The following HACE1 variants were observed in gnomAD, a reference collection of about 807,000 sequenced individuals.
The protein encoded by HACE1 is HECT domain and ankyrin repeat containing E3 ubiquitin protein ligase 1.
HACE1 carries 73 observed loss-of-function variants against 118.4 expected under a neutral mutation model. The observed-to-expected ratio is 0.62, with a 90% confidence interval of 0.51 to 0.75. The LOEUF (loss-of-function observed/expected upper bound fraction) is 0.75. Ranked by LOEUF, HACE1 falls within the 30% of genes least tolerant of loss-of-function variation. The pLI is 0.00. For missense variants in HACE1, 749 were observed against 1,102.2 expected (o/e 0.68, Z 4.54); for synonymous variants, 368 against 374.8 (o/e 0.98, Z 0.21).
intron 7 of HACE1, among the ~76,000 whole-genome samples, chr6:104,801,957 A>C (rs1562403036): frequency 6.6e-6 from 1 of 150,830 alleles, no homozygotes; most frequent in Non-Finnish European, 1.5e-5. Flanking sequence ...TATTCAGGAG[A>C]CCCATCTCAC....
chr6:104,808,270 C>T (rs1771239128), intron 7 of HACE1, among the ~76,000 whole-genome samples: 1 of 151,672 alleles, frequency 6.6e-6, no homozygotes. Flanking sequence ...ATGAGGACAA[C>T]ACGACTTTAT....
intron 7 of HACE1, among the ~76,000 whole-genome samples, chr6:104,807,169 G>A (rs1034505797): frequency 5.9e-5 from 9 of 151,904 alleles, no homozygotes; most frequent in South Asian, 2.1e-4. Flanking sequence ...GACTACAGGC[G>A]TGCGCCACAA....
Position 104,859,711 on chromosome 6 carries a change from A to C in HACE1, c.-69T>G. The stretch of plus-strand genomic sequence containing the variant: ...CGGCGGCCTCCGCGCCCAGAGCCCT[A>C]CATCTCGCCTGGGCCCGTCCAGCAG... On this transcript the variant is annotated 5_prime_UTR_variant, in exon 1 of 24. It removes the in-frame stop codon of an upstream open reading frame in the 5' UTR. Transcript: ENST00000262903. 7.4e-7 allele frequency: 1 copy of C among 1,354,768 alleles called. No individual in the cohort carries two copies. The highest frequency in any genetic ancestry group is 2.6e-5 in the East Asian group (1 of 38,120). 83.9% of individuals were successfully genotyped at this position (1,354,768 alleles called of 1,614,324 possible).
intron 19 of HACE1, among the ~76,000 whole-genome samples, chr6:104,754,779 GAAGA>G (rs1386185719): frequency 2.0e-5 from 3 of 152,082 alleles, no homozygotes; most frequent in Non-Finnish European, 4.4e-5. Context: ...CAGAGCTCCT[GAAGA>G]AAGAACTAAA....
intron 19 of HACE1, among the ~76,000 whole-genome samples, chr6:104,763,004 A>G (rs1779574513): frequency 6.6e-6 from 1 of 151,512 alleles, no homozygotes; most frequent in South Asian, 2.1e-4. Context: ...AAAAAAAAAA[A>G]AAAAAAAGAA....
At chr6:104,753,278 G>A (rs2114585312) in intron 19 of HACE1, among the ~76,000 whole-genome samples, 1 of 152,284 alleles carries the variant, frequency 6.6e-6, no homozygotes, top group African/African-American at 2.4e-5. Context: ...TGACTGCCAT[G>A]TCTGGGGTTC....
chr6:104,852,228 T>TGTGTGC (rs142463116), intron 2 of HACE1, 89 bp downstream of exon 2: 24,060 of 647,104 alleles, frequency 0.037, 273 homozygotes, highest in Middle Eastern at 0.043. Context: ...TGTGTGTGTG[T>TGTGTGC]GCGCGCGTGC....
At position 104,857,593 on chromosome 6, in the gene HACE1, T is replaced by A. The variant is rs545950902; in HGVS notation, c.76+1974A>T. ...AATCAGTTTAAAAACAGTATTTAGA[T>A]TCAACATTTGTTACATGCATCCTAT... On this transcript the variant is annotated intron_variant, in intron 1 of 23. Transcript: ENST00000262903. Among the ~76,000 whole-genome samples, 3 of 152,052 alleles carry A rather than the reference T, an allele frequency of 2.0e-5. No individual in the cohort carries two copies. The South Asian group carries it at 6.2e-4, about 32-fold the overall frequency.
At chr6:104,737,532 G>A (rs1776030193) in intron 22 of HACE1, among the ~76,000 whole-genome samples, 1 of 152,128 alleles carries the variant, frequency 6.6e-6, no homozygotes, top group Admixed American at 6.5e-5. Flanking sequence ...CAAGGGGTCA[G>A]GGAGTTCCCT....
intron 23 of HACE1, 51 bp from the exon 24 acceptor site, chr6:104,729,815 GA>G: frequency 1.2e-6 from 1 of 849,168 alleles, no homozygotes; most frequent in Non-Finnish European, 2.0e-6. Flanking sequence ...TAAAATTTCT[GA>G]TTGTTTTGCC....
chr6:104,808,344 G>A (rs1351640725), intron 7 of HACE1, among the ~76,000 whole-genome samples: 1 of 152,162 alleles, frequency 6.6e-6, no homozygotes, highest in African/African-American at 2.4e-5. Flanking sequence ...ACTAAGTGTT[G>A]AATACTCTGC....
chr6:104,859,310 G>A, intron 1 of HACE1: 1 of 464,594 alleles, frequency 2.2e-6, no homozygotes, highest in Non-Finnish European at 3.8e-6. Flanking sequence ...CAGACGTTGC[G>A]AGACCTTTGT....
intron 23 of HACE1, 150 bp downstream of exon 23, chr6:104,730,153 A>C: frequency 1.5e-6 from 1 of 655,288 alleles, no homozygotes; most frequent in Middle Eastern, 3.8e-4. Context: ...GGGCACAAAA[A>C]ACTACATAAT....
chr6:104,761,274 C>A lies in HACE1; in HGVS notation c.2211+9919G>T, dbSNP rs570009591. ...TGGGCAAGAAGAACAAAGCTGGAGG[C>A]ATCATGCTACCAGACTTCAAACTAT... On this transcript the variant is annotated intron_variant, in intron 19 of 23. Coordinates refer to ENST00000262903, the MANE Select transcript of HACE1 (RefSeq NM_020771.4). Among the ~76,000 whole-genome samples the A allele has an allele frequency of 2.0e-5, 3 of 152,250 alleles. No homozygotes were observed. In the East Asian group the frequency reaches 5.8e-4, roughly 29 times the overall value.
chr6:104,737,797 G>A (rs922971117), intron 22 of HACE1, among the ~76,000 whole-genome samples: 32 of 152,306 alleles, frequency 2.1e-4, no homozygotes, highest in Non-Finnish European at 3.5e-4. Context: ...ACAAAGCAGC[G>A]GGGAAGCCCG....
chr6:104,802,813 CA>C (rs1367013884), intron 7 of HACE1, among the ~76,000 whole-genome samples: 1 of 152,118 alleles, frequency 6.6e-6, no homozygotes, highest in East Asian at 1.9e-4. Flanking sequence ...ACTAGAGAAG[CA>C]AGAGCAAACA....
chr6:104,844,138 A>G (rs542293887), intron 4 of HACE1, among the ~76,000 whole-genome samples: 1 of 150,486 alleles, frequency 6.6e-6, no homozygotes, highest in African/African-American at 2.4e-5. Flanking sequence ...CCCAGGTTCA[A>G]GTGATTCTCT....
At position 104,729,530 on chromosome 6, in the gene HACE1, A is replaced by G; in HGVS notation, c.*132T>C. 2 of 695,762 alleles carry G rather than the reference A, an allele frequency of 2.9e-6. No homozygotes were observed. The highest frequency in any genetic ancestry group is 5.3e-6 in the Non-Finnish European group (2 of 378,790). 43.1% of individuals were successfully genotyped at this position (695,762 alleles called of 1,614,324 possible). On this transcript the variant is annotated 3_prime_UTR_variant, in exon 24 of 24. Transcript: ENST00000262903. ...AAAGAGAGAAACAGAAAACCTGATG[A>G]TCCTTTATAAATTGGAAGCATCAGC...
At chr6:104,844,095 C>A (rs1350512773) in intron 4 of HACE1, among the ~76,000 whole-genome samples, 4 of 2,974 alleles carry the variant, frequency 1.3e-3, no homozygotes, top group Non-Finnish European at 3.2e-3. Flanking sequence ...AGTGCAGTGG[C>A]GGATCTTTGC....
Sources: allele counts gnomAD v4.1 joint callset (sites outside exome capture counted in the v4.1 genomes callset), GRCh38; gene constraint gnomAD v4.1.1; transcripts MANE v1.5; gene names NCBI Gene and HGNC (gene_info 2026-07-23, HGNC 2026-07-21).